Variants in BMP2K observed in about 807,000 individuals in gnomAD.
The protein encoded by BMP2K is BMP-2-inducible protein kinase.
BMP2K carries 74 observed loss-of-function variants against 116.0 expected under a neutral mutation model. The observed-to-expected ratio is 0.64, with a 90% CI of 0.53 to 0.77. The LOEUF is 0.77. Ranked by LOEUF, BMP2K falls within the 30% of genes least tolerant of loss-of-function variation. The pLI, the probability that BMP2K is intolerant of heterozygous loss-of-function variation, is 0.00. For synonymous variants in BMP2K, 486 were observed against 502.5 expected (o/e 0.97, Z 0.44); for missense variants, 1,365 against 1,403.6 (o/e 0.97, Z 0.44).
intron 15 of BMP2K, among the ~76,000 whole-genome samples, chr4:78,902,508 T>C (rs1734060991): frequency 1.3e-5 from 2 of 150,354 alleles, no homozygotes; most frequent in South Asian, 2.1e-4. Context: ...TGGGAGATGA[T>C]GGCAGGCAGT....
At chr4:78,802,586 A>G (rs1214399939) in intron 1 of BMP2K, among the ~76,000 whole-genome samples, 17 of 152,190 alleles carry the variant, frequency 1.1e-4, no homozygotes, top group Non-Finnish European at 2.5e-4. Context: ...ATCTTTTAAT[A>G]GTTATATCTT....
chr4:78,906,061 A>T (rs1016090002), intron 15 of BMP2K: 1 of 152,058 alleles, frequency 6.6e-6, no homozygotes, highest in Non-Finnish European at 1.5e-5. Flanking sequence ...CTGTAGTTTC[A>T]TGATGAATAG....
intron 7 of BMP2K, among the ~76,000 whole-genome samples, chr4:78,853,901 A>G (rs769876974): frequency 1.1e-4 from 17 of 152,156 alleles, no homozygotes; most frequent in Non-Finnish European, 1.9e-4. Context: ...CAATATTACA[A>G]TTCTTCATCT....
At chr4:78,780,909 A>G (rs745758716) in intron 1 of BMP2K, among the ~76,000 whole-genome samples, 60 of 152,340 alleles carry the variant, frequency 3.9e-4, no homozygotes, top group Non-Finnish European at 7.5e-4. Context: ...TGGGGGGTCA[A>G]GGAAGGCCTT....
intron 6 of BMP2K, 118 bp from the exon 7 acceptor site, chr4:78,850,806 G>A: frequency 1.1e-6 from 1 of 929,142 alleles, no homozygotes; most frequent in Non-Finnish European, 1.5e-6. Context: ...GAAATAATTT[G>A]TAAAAAGATT....
At chr4:78,803,294 AT>A (rs1728661886) in intron 1 of BMP2K, among the ~76,000 whole-genome samples, 2 of 152,038 alleles carry the variant, frequency 1.3e-5, no homozygotes, top group South Asian at 2.1e-4. Context: ...AAGTTTTATA[AT>A]TCCCTCATAA....
chr4:78,858,481 GTT>G (rs972568368), intron 7 of BMP2K, among the ~76,000 whole-genome samples: 3 of 151,846 alleles, frequency 2.0e-5, no homozygotes, highest in Non-Finnish European at 2.9e-5. Flanking sequence ...TACATGCAGA[GTT>G]TTCGTATATT....
chr4:78,797,868 T>C (rs1728372949), intron 1 of BMP2K, among the ~76,000 whole-genome samples: 2 of 152,180 alleles, frequency 1.3e-5, no homozygotes, highest in African/African-American at 4.8e-5. Context: ...TTGCCTAGGC[T>C]GGAGTGCATT....
chr4:78,886,398 C>G (rs1017830069), intron 14 of BMP2K, among the ~76,000 whole-genome samples: 2 of 152,202 alleles, frequency 1.3e-5, no homozygotes, highest in Admixed American at 1.3e-4. Context: ...TGTTTCCCTG[C>G]ACTACATTTT....
intron 1 of BMP2K, among the ~76,000 whole-genome samples, chr4:78,793,306 A>G (rs1728096564): frequency 6.6e-6 from 1 of 150,924 alleles, no homozygotes; most frequent in African/African-American, 2.4e-5. Context: ...GCTACTCGGG[A>G]GGCTGAGGCA....
At chr4:78,873,797 A>G (rs1039408678) in intron 13 of BMP2K, among the ~76,000 whole-genome samples, 12 of 151,924 alleles carry the variant, frequency 7.9e-5, no homozygotes, top group African/African-American at 2.9e-4. Flanking sequence ...GATTTCTTGA[A>G]CTACTTTTCT....
At chr4:78,787,226 A>T (rs1445556040) in intron 1 of BMP2K, among the ~76,000 whole-genome samples, 1 of 152,216 alleles carries the variant, frequency 6.6e-6, no homozygotes, top group Non-Finnish European at 1.5e-5. Context: ...GATATTTAGG[A>T]GAAGGCTGAC....
At chr4:78,859,772 TGTTGC>T in intron 8 of BMP2K, 85 bp downstream of exon 8, 1 of 858,942 alleles carries the variant, frequency 1.2e-6, no homozygotes, top group Non-Finnish European at 1.8e-6. Context: ...ACTTTTTTTT[TGTTGC>T]TGTTGCTAAA....
At chr4:78,814,384 G>A (rs1560511700) in intron 1 of BMP2K, among the ~76,000 whole-genome samples, 1 of 152,010 alleles carries the variant, frequency 6.6e-6, no homozygotes, top group Non-Finnish European at 1.5e-5. Context: ...TTAGCCTGTT[G>A]ATATGGTTTG....
chr4:78,861,971 G>A (rs1731819118), intron 9 of BMP2K, among the ~76,000 whole-genome samples: 1 of 151,712 alleles, frequency 6.6e-6, no homozygotes, highest in Admixed American at 6.6e-5. Context: ...TTAATAATAA[G>A]TTTGAACTAT....
chr4:78,871,089 A>C, intron 11 of BMP2K, 29 bp downstream of exon 11: 1 of 1,595,052 alleles, frequency 6.3e-7, no homozygotes, highest in Non-Finnish European at 8.5e-7. Context: ...TAGATATGGA[A>C]GTAGTGTGAA....
intron 6 of BMP2K, among the ~76,000 whole-genome samples, chr4:78,849,710 G>A (rs1028555347): frequency 1.3e-5 from 2 of 151,506 alleles, no homozygotes; most frequent in Non-Finnish European, 3.0e-5. Context: ...TATGGAACCT[G>A]TTATCCCTAC....
At chr4:78,830,894 T>C (rs978891354) in intron 2 of BMP2K, among the ~76,000 whole-genome samples, 1 of 152,260 alleles carries the variant, frequency 6.6e-6, no homozygotes, top group East Asian at 1.9e-4. Context: ...GCAATAAGGC[T>C]GTTTTGCTTT....
intron 15 of BMP2K, among the ~76,000 whole-genome samples, chr4:78,907,185 A>T (rs1161493344): frequency 6.6e-6 from 1 of 152,182 alleles, no homozygotes; most frequent in Non-Finnish European, 1.5e-5. Context: ...ACCTGAAAAG[A>T]TGCATTAAAA....
Sources: allele counts gnomAD v4.1 joint callset (sites outside exome capture counted in the v4.1 genomes callset), GRCh38; gene constraint gnomAD v4.1.1; transcripts MANE v1.5; gene names NCBI Gene and HGNC (gene_info 2026-07-23, HGNC 2026-07-21).